Variants in RAB8B observed in about 807,000 individuals in gnomAD.
The protein encoded by RAB8B is RAB8B, member RAS oncogene family, also known as ras-related protein Rab-8B.
In RAB8B, 11 loss-of-function variants were observed where a neutral mutation model predicts 32.0. The ratio of observed to expected loss-of-function variants is 0.34; its 90% CI spans 0.22 to 0.57. The LOEUF (loss-of-function observed/expected upper bound fraction) is 0.57. RAB8B is among the 20% of genes least tolerant of loss of function. The probability of loss-of-function intolerance (pLI) is 0.86; values close to 1 mark genes in which losing one functional copy is unlikely to be tolerated. For synonymous variants in RAB8B, 103 were observed against 89.6 expected, an observed-to-expected ratio of 1.15 and a Z score of -0.85; for missense variants, 190 against 258.5, an observed-to-expected ratio of 0.73 and a Z score of 1.82.
intron 7 of RAB8B, among the ~76,000 whole-genome samples, chr15:63,263,059 A>G (rs1244416316): frequency 2.6e-5 from 4 of 152,222 alleles, no homozygotes. Flanking sequence ...TTATATCTGC[A>G]TAACTACGAT....
At chr15:63,247,729 T>C (rs991691223) in intron 2 of RAB8B, among the ~76,000 whole-genome samples, 1 of 152,232 alleles carries the variant, frequency 6.6e-6, no homozygotes, top group African/African-American at 2.4e-5. Context: ...GCTGTATTTC[T>C]TTTTTGAACT....
rs548953394 is a variant in RAB8B at position 63,213,714 on chromosome 15, A to G, written c.124+23966A>G. Among the ~76,000 whole-genome samples the G allele has an allele frequency of 4.8e-3, 727 of 152,248 alleles. 5 individuals carry two copies. Among genetic ancestry groups the G allele is most frequent in the African/African-American group, 0.017 (705 of 41,542 alleles). ...GAGTGTTGAAACTTAAAATGAGTAA[A>G]TTCTGTCTTCCAAATAATTTTCTAC... On this transcript the variant is annotated intron_variant, in intron 1 of 7. Transcript: ENST00000321437.
chr15:63,226,372 A>G (rs1595741416), intron 1 of RAB8B, among the ~76,000 whole-genome samples: 1 of 152,358 alleles, frequency 6.6e-6, no homozygotes, highest in Admixed American at 6.5e-5. Context: ...AATTGGTTGT[A>G]AATCAGATAA....
chr15:63,204,556 G>A (rs1341765740), intron 1 of RAB8B, among the ~76,000 whole-genome samples: 1 of 152,178 alleles, frequency 6.6e-6, no homozygotes, highest in Non-Finnish European at 1.5e-5. Flanking sequence ...GAGTTTCTGA[G>A]TGAAATCTCC....
At chr15:63,191,466 T>A (rs946577984) in intron 1 of RAB8B, among the ~76,000 whole-genome samples, 2 of 152,244 alleles carry the variant, frequency 1.3e-5, no homozygotes, top group Non-Finnish European at 2.9e-5. Context: ...GCAGTCAGTC[T>A]TGAGTGGGAC....
At chr15:63,196,853 T>C (rs961042307) in intron 1 of RAB8B, among the ~76,000 whole-genome samples, 1 of 152,238 alleles carries the variant, frequency 6.6e-6, no homozygotes, top group Non-Finnish European at 1.5e-5. Flanking sequence ...ATTTTACTTA[T>C]CTTTCAGTCT....
chr15:63,244,728 A>T, intron 1 of RAB8B, 28 bp from the exon 2 acceptor site: 1 of 1,514,140 alleles, frequency 6.6e-7, no homozygotes, highest in Non-Finnish European at 9.1e-7. Context: ...GAAGAAACTT[A>T]ACATATCTTT....
intron 1 of RAB8B, among the ~76,000 whole-genome samples, chr15:63,226,237 T>C (rs1329807349): frequency 6.6e-6 from 1 of 152,214 alleles, no homozygotes; most frequent in African/African-American, 2.4e-5. Context: ...TAAACCTTAT[T>C]GTATCTATCA....
chr15:63,235,446 A>G (rs2037970177), intron 1 of RAB8B, among the ~76,000 whole-genome samples: 1 of 152,130 alleles, frequency 6.6e-6, no homozygotes, highest in African/African-American at 2.4e-5. Flanking sequence ...AAAGAATTTC[A>G]AAAACTTTTA....
At chr15:63,234,006 C>CA (rs1282456819) in intron 1 of RAB8B, among the ~76,000 whole-genome samples, 1 of 152,080 alleles carries the variant, frequency 6.6e-6, no homozygotes, top group East Asian at 1.9e-4. Context: ...TGACTGCAGC[C>CA]AAATTAGTCT....
intron 1 of RAB8B, among the ~76,000 whole-genome samples, chr15:63,220,514 T>C (rs1335943694): frequency 3.9e-5 from 6 of 152,068 alleles, no homozygotes; most frequent in African/African-American, 1.4e-4. Flanking sequence ...GAGAGTACAG[T>C]GTTCACTGCA....
intron 2 of RAB8B, among the ~76,000 whole-genome samples, chr15:63,247,277 A>C (rs916623840): frequency 9.9e-5 from 15 of 152,194 alleles, no homozygotes; most frequent in Non-Finnish European, 2.1e-4. Context: ...ATACCATCAC[A>C]TTGAGGATTA....
chr15:63,256,468 C>G, intron 4 of RAB8B, 37 bp from the exon 5 acceptor site: 1 of 1,472,924 alleles, frequency 6.8e-7, no homozygotes, highest in Non-Finnish European at 9.3e-7. Flanking sequence ...GGGTTTTTCT[C>G]AGGCTGTTTT....
chr15:63,251,513 A>G lies in RAB8B; in HGVS notation c.246+1808A>G, dbSNP rs1236598764. On this transcript the variant is annotated intron_variant, in intron 3 of 7. Transcript: ENST00000321437. ...TCACTTGGATGTCTGGCTCTAGTTCATTGTATGAAGAAAGAGGGCATGGAA... is the reference window on the plus strand; with the variant it reads ...TCACTTGGATGTCTGGCTCTAGTTCGTTGTATGAAGAAAGAGGGCATGGAA... Among the ~76,000 whole-genome samples, 4 of 152,180 alleles carry G rather than the reference A, an allele frequency of 2.6e-5. No individual in the cohort carries two copies. In the East Asian group the frequency reaches 7.7e-4, roughly 29 times the overall value.
At chr15:63,221,607 A>G (rs997771580) in intron 1 of RAB8B, among the ~76,000 whole-genome samples, 1 of 152,086 alleles carries the variant, frequency 6.6e-6, no homozygotes, top group Non-Finnish European at 1.5e-5. Flanking sequence ...TTAATTGTGA[A>G]GCTATAAGAC....
chr15:63,197,214 G>A (rs1035559162), intron 1 of RAB8B, among the ~76,000 whole-genome samples: 1 of 151,282 alleles, frequency 6.6e-6, no homozygotes, highest in Non-Finnish European at 1.5e-5. Flanking sequence ...CACTGGAATA[G>A]CATATGTCTA....
At chr15:63,227,578 A>G (rs2037899538) in intron 1 of RAB8B, among the ~76,000 whole-genome samples, 1 of 152,194 alleles carries the variant, frequency 6.6e-6, no homozygotes, top group Admixed American at 6.5e-5. Flanking sequence ...TGTTTTATTT[A>G]GTTTTGGTTG....
intron 6 of RAB8B, among the ~76,000 whole-genome samples, chr15:63,260,457 G>C (rs2038193483): frequency 6.6e-6 from 1 of 152,176 alleles, no homozygotes. Context: ...TGTAACAGTG[G>C]CATTTAGTGG....
chr15:63,222,924 T>C (rs1189298094), intron 1 of RAB8B: 9 of 322,462 alleles, frequency 2.8e-5, no homozygotes, highest in South Asian at 1.9e-4. Flanking sequence ...AGTTACCTTA[T>C]TTTTTAAATA....
Sources: allele counts gnomAD v4.1 joint callset (sites outside exome capture counted in the v4.1 genomes callset), GRCh38; gene constraint gnomAD v4.1.1; transcripts MANE v1.5; gene names NCBI Gene and HGNC (gene_info 2026-07-23, HGNC 2026-07-21).